Variants in CADM1 observed in about 807,000 individuals in gnomAD.
CADM1 encodes the protein cell adhesion molecule 1.
A neutral mutation model predicts 53.1 loss-of-function variants in CADM1; 15 were observed. The observed-to-expected ratio is 0.28, with a 90% CI of 0.19 to 0.44. The LOEUF (loss-of-function observed/expected upper bound fraction) is 0.44. Ranked by LOEUF, CADM1 falls within the 20% of genes least tolerant of loss-of-function variation. CADM1 has a pLI of 1.00. For missense variants in CADM1, 434 were observed against 611.3 expected (o/e 0.71, Z 3.06); for synonymous variants, 281 against 243.0 (o/e 1.16, Z -1.45).
Position 115,178,784 on chromosome 11 carries a change from A to T in CADM1, c.1166-9T>A, listed in dbSNP as rs759767344. The T allele has an allele frequency of 1.2e-6, 2 of 1,613,892 alleles. No homozygotes were observed. Among genetic ancestry groups the T allele is most frequent in the Non-Finnish European group, 1.7e-6 (2 of 1,179,944 alleles). ...TTCACCTGCTCGGGAATCTGTTAAAATCAGAAGAGGAATAGGGATGTAGAG... is the reference window on the plus strand; with the variant it reads ...TTCACCTGCTCGGGAATCTGTTAAATTCAGAAGAGGAATAGGGATGTAGAG... On this transcript the variant is annotated splice_polypyrimidine_tract_variant and intron_variant, in intron 10 of 11. Coordinates refer to ENST00000331581, the MANE Select transcript of CADM1 (RefSeq NM_001301043.2).
intron 1 of CADM1, among the ~76,000 whole-genome samples, chr11:115,344,984 A>G (rs1945539756): frequency 6.6e-6 from 1 of 152,162 alleles, no homozygotes; most frequent in South Asian, 2.1e-4. Context: ...CCAGGTTTTC[A>G]TGCATTCTTC....
rs547453416 is a variant in CADM1 at position 115,415,940 on chromosome 11, G to A, written c.124+88331C>T. ...GGCCAAGGTGATCTTAGGGTAGAAAGACCTTATATCTGCCTCACTGTAGTT... is the reference window on the plus strand; with the variant it reads ...GGCCAAGGTGATCTTAGGGTAGAAAAACCTTATATCTGCCTCACTGTAGTT... On this transcript the variant is annotated intron_variant, in intron 1 of 11. Coordinates refer to ENST00000331581, the MANE Select transcript of CADM1 (RefSeq NM_001301043.2). Among the ~76,000 whole-genome samples the A allele has an allele frequency of 2.0e-5, 3 of 150,096 alleles. No homozygotes were observed. The East Asian group carries it at 6.0e-4, about 30-fold the overall frequency.
At chr11:115,358,076 G>A (rs916854781) in intron 1 of CADM1, among the ~76,000 whole-genome samples, 8 of 152,024 alleles carry the variant, frequency 5.3e-5, no homozygotes, top group Admixed American at 2.0e-4. Flanking sequence ...ACAGCTGTAC[G>A]CAGCTGCAAA....
rs561765299 is a variant in CADM1, at chr11:115,438,109, T to C, written c.124+66162A>G. 7.2e-5 allele frequency among the ~76,000 whole-genome samples: 11 copies of C among 152,284 alleles called. No individual in the cohort carries two copies. The East Asian group carries it at 1.7e-3, about 24-fold the overall frequency. On this transcript the variant is annotated intron_variant, in intron 1 of 11. Coordinates refer to ENST00000331581, the MANE Select transcript of CADM1 (RefSeq NM_001301043.2). ...CATCTGGCCCATAACAAAATTACTA[T>C]TGATCTGTTGTGAGCTTCCAGCAAA...
chr11:115,333,918 C>T (rs1466453293), intron 1 of CADM1, among the ~76,000 whole-genome samples: 1 of 152,098 alleles, frequency 6.6e-6, no homozygotes, highest in Non-Finnish European at 1.5e-5. Context: ...AAAAAACTGA[C>T]CAGTGGGCCT....
intron 1 of CADM1, among the ~76,000 whole-genome samples, chr11:115,250,392 C>G (rs1591642610): frequency 6.6e-6 from 1 of 152,124 alleles, no homozygotes; most frequent in African/African-American, 2.4e-5. Context: ...CTTCAGCTCA[C>G]TAAAAGCTGG....
intron 1 of CADM1, among the ~76,000 whole-genome samples, chr11:115,379,177 A>G (rs1204510151): frequency 2.0e-5 from 3 of 152,248 alleles, no homozygotes; most frequent in Non-Finnish European, 2.9e-5. Flanking sequence ...TCTATTAGCC[A>G]GGTCTTATTT....
intron 1 of CADM1, among the ~76,000 whole-genome samples, chr11:115,263,760 T>A (rs936022880): frequency 2.6e-5 from 4 of 152,144 alleles, no homozygotes; most frequent in Non-Finnish European, 5.9e-5. Flanking sequence ...AACTAAGTTA[T>A]CAAGAACCAC....
intron 1 of CADM1, among the ~76,000 whole-genome samples, chr11:115,251,314 A>G (rs944980225): frequency 6.6e-6 from 1 of 152,190 alleles, no homozygotes; most frequent in Non-Finnish European, 1.5e-5. Context: ...CCTGCCAACA[A>G]GAGTCATTGA....
At chr11:115,298,391 G>A (rs113035675) in intron 1 of CADM1, among the ~76,000 whole-genome samples, 1 of 152,202 alleles carries the variant, frequency 6.6e-6, no homozygotes, top group Non-Finnish European at 1.5e-5. Context: ...GAAAGGGAAG[G>A]AGGCAGGAAG....
At chr11:115,425,097 C>T (rs1591219142) in intron 1 of CADM1, among the ~76,000 whole-genome samples, 1 of 151,998 alleles carries the variant, frequency 6.6e-6, no homozygotes, top group South Asian at 2.1e-4. Flanking sequence ...GAAACAGGGC[C>T]GTACTAAGCT....
chr11:115,258,008 T>C (rs1425545046), intron 1 of CADM1, among the ~76,000 whole-genome samples: 1 of 152,212 alleles, frequency 6.6e-6, no homozygotes, highest in Non-Finnish European at 1.5e-5. Flanking sequence ...AATTGAATCC[T>C]TTACCAACCA....
intron 1 of CADM1, among the ~76,000 whole-genome samples, chr11:115,410,108 T>C (rs1468418439): frequency 1.3e-5 from 2 of 152,206 alleles, no homozygotes; most frequent in Non-Finnish European, 2.9e-5. Flanking sequence ...ATCCCCAACA[T>C]CCTAACCAGA....
At chr11:115,255,623 T>C (rs181362174) in intron 1 of CADM1, among the ~76,000 whole-genome samples, 1 of 152,322 alleles carries the variant, frequency 6.6e-6, no homozygotes, top group East Asian at 1.9e-4. Context: ...CCTAGATAAC[T>C]TGTTTTGAGG....
intron 1 of CADM1, among the ~76,000 whole-genome samples, chr11:115,498,507 C>T (rs1257835048): frequency 2.6e-5 from 4 of 152,162 alleles, no homozygotes; most frequent in Admixed American, 6.5e-5. Flanking sequence ...TGCTTTCCAG[C>T]GCACGCCACA....
rs535638104 is a variant in CADM1 at position 115,285,211 on chromosome 11, C to T, written c.125-44791G>A. Reference sequence around the variant, plus strand: ...TTACCTTTCAGGCTTAAAATCAGATCGAACACTTAGAACTTACTAAAACGT... The same window carrying T: ...TTACCTTTCAGGCTTAAAATCAGATTGAACACTTAGAACTTACTAAAACGT... On this transcript the variant is annotated intron_variant, in intron 1 of 11. Coordinates refer to ENST00000331581, the MANE Select transcript of CADM1 (RefSeq NM_001301043.2). 6.4e-4 allele frequency among the ~76,000 whole-genome samples: 97 copies of T among 152,252 alleles called. 1 individual carries two copies. In the South Asian group the frequency reaches 8.5e-3, roughly 13 times the overall value.
chr11:115,363,291 T>G (rs932928323), intron 1 of CADM1, among the ~76,000 whole-genome samples: 4 of 152,180 alleles, frequency 2.6e-5, no homozygotes, highest in Non-Finnish European at 4.4e-5. Context: ...ACCGTTTTTC[T>G]GACAGTTGGC....
rs542549556 is a variant in CADM1, at chr11:115,242,294, C to T, written c.125-1874G>A. On this transcript the variant is annotated intron_variant, in intron 1 of 11. Transcript: ENST00000331581. ...ATCCAGCAGTGGAGGCTTAGTATGCCGAACAGTGTTACAGAATAACAACAA... is the reference window on the plus strand; with the variant it reads ...ATCCAGCAGTGGAGGCTTAGTATGCTGAACAGTGTTACAGAATAACAACAA... Among the ~76,000 whole-genome samples the T allele has an allele frequency of 5.0e-4, 70 of 140,714 alleles. 1 individual carries two copies. Among genetic ancestry groups the T allele is most frequent in the Admixed American group, 2.9e-3 (39 of 13,312 alleles). The allele number at this position is 140,714 out of a possible 152,430, so 92.3% of individuals were successfully genotyped here.
chr11:115,419,672 C>T (rs137858201), intron 1 of CADM1, among the ~76,000 whole-genome samples: 124 of 152,116 alleles, frequency 8.2e-4, no homozygotes, highest in African/African-American at 2.6e-3. Flanking sequence ...AATCTTTGAC[C>T]GTGAACCCGA....
Sources: gnomAD v4.1 joint callset for allele counts (sites outside exome capture counted in the v4.1 genomes callset) on GRCh38, gnomAD v4.1.1 for gene constraint, MANE v1.5 for transcripts, NCBI Gene and HGNC (gene_info 2026-07-23, HGNC 2026-07-21) for gene names.